LRIG2: variants seen among roughly 807,000 people sequenced by gnomAD.
LRIG2 encodes leucine-rich repeats and immunoglobulin-like domains protein 2.
Under a neutral mutation model 107.8 loss-of-function variants are expected in LRIG2, and 93 were observed. The observed-to-expected ratio is 0.86, with a 90% CI of 0.73 to 1.03. The LOEUF (loss-of-function observed/expected upper bound fraction) is 1.03, where lower values mean the gene tolerates loss of function less well. Among genes scored for constraint, LRIG2 ranks in the 50% least tolerant of loss-of-function variants. The pLI, the probability that LRIG2 is intolerant of heterozygous loss-of-function variation, is 0.00. For missense variants in LRIG2, 1,226 were observed against 1,296.0 expected (o/e 0.95, Z 0.83); for synonymous variants, 471 against 470.6 (o/e 1.00, Z -0.01).
chr1:113,114,396 A>ATTT, intron 14 of LRIG2, 31 bp from the exon 15 acceptor site: 16 of 1,173,100 alleles, frequency 1.4e-5, no homozygotes, highest in Non-Finnish European at 1.6e-5. Context: ...CTAACTTTTC[A>ATTT]TTTTTTTTTT....
rs12568813 is a variant in LRIG2, at chr1:113,119,627, G to A, written c.2971+104G>A. 1 of 1,001,408 alleles carries A rather than the reference G, an allele frequency of 1.0e-6. No homozygotes were observed. The highest frequency in any genetic ancestry group is 1.5e-6 in the Non-Finnish European group (1 of 679,102). 62.0% of individuals were successfully genotyped at this position (1,001,408 alleles called of 1,614,324 possible). A position where few individuals can be genotyped will look rare whatever the true frequency, so the allele number is the denominator to read the frequency against. Reference sequence around the variant, plus strand: ...CTCATTTGACAGGAAGCAAGCAGATGGGTATATAGGAGTAACTGGCCATTG... The same window carrying A: ...CTCATTTGACAGGAAGCAAGCAGATAGGTATATAGGAGTAACTGGCCATTG... On this transcript the variant is annotated intron_variant, in intron 17 of 17. Coordinates refer to ENST00000361127, the MANE Select transcript of LRIG2 (RefSeq NM_014813.3).
At position 113,095,782 on chromosome 1, in the gene LRIG2, T is replaced by C. The variant is rs1444332089; in HGVS notation, c.804-92T>C. The stretch of plus-strand genomic sequence containing the variant: ...AGCTCAGTTGGGTTGAACAAAGGTA[T>C]ATGCTTCTCTGGGAAAAACTTAAGA... On this transcript the variant is annotated intron_variant, in intron 6 of 17. Coordinates refer to ENST00000361127, the MANE Select transcript of LRIG2 (RefSeq NM_014813.3). 6.1e-6 allele frequency: 8 copies of C among 1,308,716 alleles called. No homozygotes were observed. In the African/African-American group the frequency reaches 1.0e-4, roughly 17 times the overall value. 81.1% of individuals were successfully genotyped at this position (1,308,716 alleles called of 1,614,324 possible). A position where few individuals can be genotyped will look rare whatever the true frequency, so the allele number is the denominator to read the frequency against.
chr1:113,073,249 CG>C lies in LRIG2; in HGVS notation c.-157del, dbSNP rs765377107. The stretch of plus-strand genomic sequence containing the variant: ...TGTCCCAGGCCGTCGACCCCGCTGT[CG>C]CGCTGCGTCTGCTCCTTGCATGCCT... On this transcript the variant is annotated 5_prime_UTR_variant, in exon 1 of 18. Coordinates refer to ENST00000361127, the MANE Select transcript of LRIG2 (RefSeq NM_014813.3). 7.5e-6 allele frequency: 5 copies of C among 664,800 alleles called. No individual in the cohort carries two copies. Among genetic ancestry groups the C allele is most frequent in the African/African-American group, 1.8e-5 (1 of 55,852 alleles). The allele number at this position is 664,800 out of a possible 1,614,324, so 41.2% of individuals were successfully genotyped here.
At chr1:113,107,332 A>T (rs1402588622) in intron 11 of LRIG2, among the ~76,000 whole-genome samples, 1 of 152,142 alleles carries the variant, frequency 6.6e-6, no homozygotes, top group African/African-American at 2.4e-5. Context: ...AGGATCACAC[A>T]TTTCATTTTA....
rs1655440994 is a variant in LRIG2 at position 113,125,250 on chromosome 1, CACATAA to C, written c.*1153_*1158del. 6.6e-6 allele frequency: 1 copy of C among 152,178 alleles called. No individual in the cohort carries two copies. Among genetic ancestry groups the C allele is most frequent in the African/African-American group, 2.4e-5 (1 of 41,444 alleles). The allele number at this position is 152,178 out of a possible 1,614,324, so 9.4% of individuals were successfully genotyped here. ...GAGGCAGCTACTTAGTGATTGTATACACATAAACACAGTCTTGGTGTAATTAACCGC... is the reference window on the plus strand; with the variant it reads ...GAGGCAGCTACTTAGTGATTGTATACACACAGTCTTGGTGTAATTAACCGC... On this transcript the variant is annotated 3_prime_UTR_variant, in exon 18 of 18. Coordinates refer to ENST00000361127, the MANE Select transcript of LRIG2 (RefSeq NM_014813.3).
intron 5 of LRIG2, 35 bp downstream of exon 5, chr1:113,094,517 G>GA: frequency 6.3e-7 from 1 of 1,580,078 alleles, no homozygotes. Context: ...TAAGAAGATA[G>GA]TTTTTTCTTA....
rs1194761956 is a variant in LRIG2, at chr1:113,073,449, G to A, written c.43G>A (p.Gly15Arg). 5 of 1,614,174 alleles carry A rather than the reference G, an allele frequency of 3.1e-6. No individual in the cohort carries two copies. In the South Asian group the frequency reaches 3.3e-5, roughly 11 times the overall value. The change falls in exon 1 of 18, where the codon GGG becomes AGG. Residue 15 changes from glycine (G) to arginine (R), a missense_variant. Gly to Arg is a moderately radical substitution (Grantham distance 125). This residue lies in a region of LRIG2 where 570 missense variants were observed against 550.2 expected (regional missense o/e 1.04). Transcript: ENST00000361127. ...PLGVPEEQLL[G>R]CRSRVLSRLL... ...AGGCGTCCCGGAGGAGCAGTTGCTGGGGTGTCGATCTAGAGTGCTTTCTCG... is the reference window on the plus strand; with the variant it reads ...AGGCGTCCCGGAGGAGCAGTTGCTGAGGTGTCGATCTAGAGTGCTTTCTCG...
chr1:113,093,054 A>G, intron 2 of LRIG2, 152 bp from the exon 3 acceptor site: 1 of 577,706 alleles, frequency 1.7e-6, no homozygotes, highest in South Asian at 2.3e-5. Flanking sequence ...TTTCTCAATA[A>G]ATACATTTTT....
chr1:113,095,000 A>G (rs1280364470), intron 6 of LRIG2, among the ~76,000 whole-genome samples: 4 of 127,128 alleles, frequency 3.1e-5, no homozygotes, highest in Non-Finnish European at 6.9e-5. Context: ...TTTGAGATGG[A>G]GTCTCACTCT....
rs1557917174 is a variant in LRIG2, at chr1:113,114,332, A to G, written c.2081-95A>G. On this transcript the variant is annotated intron_variant, in intron 14 of 17. Transcript: ENST00000361127. ...CTCCCATGAGTATATAAAATTACTC[A>G]TTTTATTATACCCCCATTGGTCTAA... 7.0e-6 allele frequency: 5 copies of G among 715,550 alleles called. No individual in the cohort carries two copies. The South Asian group carries it at 7.8e-5, about 11-fold the overall frequency. The allele number at this position is 715,550 out of a possible 1,614,324, so 44.3% of individuals were successfully genotyped here. A position where few individuals can be genotyped will look rare whatever the true frequency, so the allele number is the denominator to read the frequency against.
intron 12 of LRIG2, among the ~76,000 whole-genome samples, chr1:113,108,674 C>T (rs540778268): frequency 1.2e-4 from 18 of 151,742 alleles, no homozygotes; most frequent in South Asian, 2.1e-4. Flanking sequence ...GTCTGGAGTT[C>T]GAGACCGGCC....
chr1:113,108,927 A>G (rs991900824), intron 12 of LRIG2, among the ~76,000 whole-genome samples: 2 of 152,308 alleles, frequency 1.3e-5, no homozygotes, highest in Admixed American at 6.5e-5. Flanking sequence ...TCTTAGCTTT[A>G]CATAGGAGAA....
At chr1:113,093,940 CT>C (rs1204122820) in intron 4 of LRIG2, among the ~76,000 whole-genome samples, 1 of 152,178 alleles carries the variant, frequency 6.6e-6, no homozygotes, top group African/African-American at 2.4e-5. Flanking sequence ...CACAAGCCCC[CT>C]AAAGAAAGAT....
intron 1 of LRIG2, among the ~76,000 whole-genome samples, chr1:113,085,735 G>C (rs1337088751): frequency 6.6e-6 from 1 of 152,158 alleles, no homozygotes; most frequent in East Asian, 1.9e-4. Flanking sequence ...AGGAGGTGGG[G>C]TCTCCTAGCC....
Position 113,128,654 on chromosome 1 carries a change from G to A in LRIG2, c.*4553G>A, listed in dbSNP as rs778642411. ...GTATTTCCTTTATAGCAGGAGTAAT[G>A]GTCTAAGAAATACTCATTAGGAGAA... On this transcript the variant is annotated 3_prime_UTR_variant, in exon 18 of 18. Coordinates refer to ENST00000361127, the MANE Select transcript of LRIG2 (RefSeq NM_014813.3). The A allele has an allele frequency of 1.3e-5, 2 of 152,052 alleles. No homozygotes were observed. Among genetic ancestry groups the A allele is most frequent in the Non-Finnish European group, 2.9e-5 (2 of 68,020 alleles). 9.4% of individuals were successfully genotyped at this position (152,052 alleles called of 1,614,324 possible).
intron 15 of LRIG2, among the ~76,000 whole-genome samples, chr1:113,115,459 C>T (rs1172650765): frequency 1.3e-5 from 2 of 152,192 alleles, no homozygotes; most frequent in East Asian, 1.9e-4. Flanking sequence ...AATTTGTCCA[C>T]CTTGGCCTCT....
chr1:113,078,430 G>T (rs1653094112), intron 1 of LRIG2, among the ~76,000 whole-genome samples: 1 of 151,702 alleles, frequency 6.6e-6, no homozygotes, highest in Non-Finnish European at 1.5e-5. Context: ...GTAGAGACGG[G>T]GTTTCACCAT....
intron 1 of LRIG2, among the ~76,000 whole-genome samples, chr1:113,088,828 ATGTG>A (rs1366113503): frequency 6.6e-6 from 1 of 152,226 alleles, no homozygotes; most frequent in East Asian, 1.9e-4. Context: ...ATACGAGTGT[ATGTG>A]TTTATTGTTT....
At chr1:113,113,230 T>A (rs1043232208) in intron 14 of LRIG2, among the ~76,000 whole-genome samples, 13 of 141,952 alleles carry the variant, frequency 9.2e-5, no homozygotes, top group Non-Finnish European at 1.5e-5. Context: ...AAAAAAAAGA[T>A]GTGTTTTCTG....
Sources: gnomAD v4.1 joint callset for allele counts (sites outside exome capture counted in the v4.1 genomes callset) on GRCh38, gnomAD v4.1.1 for gene constraint, gnomAD v4.1.1 regional missense constraint, MANE v1.5 for transcripts, NCBI Gene and HGNC (gene_info 2026-07-23, HGNC 2026-07-21) for gene names.